Variants in KCNRG observed in about 807,000 individuals in gnomAD.
KCNRG encodes the protein potassium channel regulator.
Under a neutral mutation model 17.7 loss-of-function variants are expected in KCNRG, and 17 were observed. The ratio of observed to expected loss-of-function variants is 0.96; its 90% CI spans 0.66 to 1.44. The LOEUF is 1.44. KCNRG is among the 40% of genes most tolerant of loss of function. The probability of loss-of-function intolerance (pLI) is 0.00; values close to 1 mark genes in which losing one functional copy is unlikely to be tolerated. For synonymous variants in KCNRG, 97 were observed against 116.5 expected, an observed-to-expected ratio of 0.83 and a Z score of 1.08; for missense variants, 311 against 321.1, an observed-to-expected ratio of 0.97 and a Z score of 0.24.
chr13:50,020,295 G>C lies in KCNRG; in HGVS notation c.660G>C (p.Lys220Asn), dbSNP rs142871359. The change falls in exon 2 of 2, where the codon AAG (lysine) becomes AAC (asparagine). Residue 220 changes from lysine (K) to asparagine (N), a missense_variant. Lys to Asn is a moderately conservative substitution (Grantham distance 94, BLOSUM62 0). Coordinates refer to ENST00000312942, the MANE Select transcript of KCNRG (RefSeq NM_173605.2). ...GCTTACTGATTGACACTTTATTAAA[G>C]GAAGGCTTTCATTTGGTCAGCACTA... ...VLGLLIDTLL[K>N]EGFHLVSTRT... is the part of the protein sequence containing the mutation. 2.5e-6 allele frequency: 4 copies of C among 1,614,002 alleles called. No homozygotes were observed. Among genetic ancestry groups the C allele is most frequent in the Non-Finnish European group, 3.4e-6 (4 of 1,179,898 alleles).
rs779637484 is a variant in KCNRG at position 50,015,486 on chromosome 13, A to G, written c.-8A>G. 1.3e-6 allele frequency: 2 copies of G among 1,592,154 alleles called. No homozygotes were observed. Among genetic ancestry groups the G allele is most frequent in the Non-Finnish European group, 1.7e-6 (2 of 1,165,986 alleles). On this transcript the variant is annotated 5_prime_UTR_variant, in exon 1 of 2. The change abolishes the stop of an existing upstream ORF in the 5' untranslated region. Coordinates refer to ENST00000312942, the MANE Select transcript of KCNRG (RefSeq NM_173605.2). The stretch of plus-strand genomic sequence containing the variant: ...TGATGGTAGCCTCTAGTTTGAAGTG[A>G]GGGAAGAATGAGTAGTCAGGAACTG...
At position 50,020,535 on chromosome 13, in the gene KCNRG, TAC is replaced by T. The variant is rs1877102804; in HGVS notation, c.*84_*85del. On this transcript the variant is annotated 3_prime_UTR_variant, in exon 2 of 2. Coordinates refer to ENST00000312942, the MANE Select transcript of KCNRG (RefSeq NM_173605.2). ...TTAGGGCATACATGTTAGCCAAATC[TAC>T]ACTCAGCCTAACTCTTGGCTTCATC... 2 of 1,436,112 alleles carry T rather than the reference TAC, an allele frequency of 1.4e-6. No individual in the cohort carries two copies. The highest frequency in any genetic ancestry group is 1.9e-5 in the Admixed American group (1 of 52,598). 89.0% of individuals were successfully genotyped at this position (1,436,112 alleles called of 1,614,324 possible).
intron 1 of KCNRG, 124 bp from the exon 2 acceptor site, chr13:50,020,090 T>A: frequency 1.1e-6 from 1 of 873,884 alleles, no homozygotes; most frequent in Non-Finnish European, 1.8e-6. Context: ...AAATGAAATT[T>A]CAAAAAAAAA....
At chr13:50,017,206 T>A (rs60828549) in intron 1 of KCNRG, 29,521 of 166,718 alleles carry the variant, frequency 0.18, 2,929 homozygotes, top group African/African-American at 0.26. Context: ...AAAAATGAAA[T>A]TTTTTTTGGT....
chr13:50,016,303 C>A, intron 1 of KCNRG: 1 of 436,128 alleles, frequency 2.3e-6, no homozygotes, highest in Non-Finnish European at 4.2e-6. Context: ...ATGAAGACTG[C>A]CCAGAAAAAA....
rs1445665214 is a variant in KCNRG at position 50,016,080 on chromosome 13, T to C, written c.578+9T>C. 1 of 1,600,938 alleles carries C rather than the reference T, an allele frequency of 6.2e-7. No individual in the cohort carries two copies. The highest frequency in any genetic ancestry group is 8.6e-7 in the Non-Finnish European group (1 of 1,168,654). Reference sequence around the variant, plus strand: ...AACCAAACTGGAGTCAGGTATTTTGTACTTTGCAGTATTTCTCTTGTATAC... The same window carrying C: ...AACCAAACTGGAGTCAGGTATTTTGCACTTTGCAGTATTTCTCTTGTATAC... On this transcript the variant is annotated intron_variant, in intron 1 of 1. Transcript: ENST00000312942.
Position 50,015,961 on chromosome 13 carries a change from T to G in KCNRG, c.468T>G (p.Phe156Leu). 1 of 1,614,138 alleles carries G rather than the reference T, an allele frequency of 6.2e-7. No homozygotes were observed. The highest frequency in any genetic ancestry group is 8.5e-7 in the Non-Finnish European group (1 of 1,179,980). ...QPSAPTWNGNFFPPQMTLLPL... is the reference protein window; with the variant it reads ...QPSAPTWNGNLFPPQMTLLPL... ...CAGCGCCGACCTGGAATGGTAACTT[T>G]TTCCCTCCTCAGATGACCTTACTTC... is the stretch of plus-strand genomic sequence containing the variant. Residue 156 changes from phenylalanine (F) to leucine (L), a missense_variant, in exon 1 of 2, where the codon TTT becomes TTG. Transcript: ENST00000312942.
Position 50,015,729 on chromosome 13 carries a change from A to C in KCNRG, c.236A>C (p.Tyr79Ser), listed in dbSNP as rs757105415. 12 of 1,614,054 alleles carry C rather than the reference A, an allele frequency of 7.4e-6. No individual in the cohort carries two copies. Among genetic ancestry groups the C allele is most frequent in the Non-Finnish European group, 1.0e-5 (12 of 1,179,936 alleles). ...TTATTACCCACTGAATTTTCAGACT[A>C]TCTTAGGCTTCAGAGAGAGGCTCTT... ...QLLLPTEFSD[Y>S]LRLQREALFY... The change falls in exon 1 of 2, where the codon TAT becomes TCT. Residue 79 changes from tyrosine (Y) to serine (S), a missense_variant. Transcript: ENST00000312942.
rs1255722688 is a variant in KCNRG at position 50,015,908 on chromosome 13, A to G, written c.415A>G (p.Arg139Gly). ...CAAAACAATTGAGATGCTAACAGGG[A>G]GGATTACAGTGTTTACAGAACAACC... is the stretch of plus-strand genomic sequence containing the variant. ...CSKTIEMLTG[R>G]ITVFTEQPSA... Residue 139 changes from arginine (R) to glycine (G), a missense_variant, in exon 1 of 2, where the codon AGG (arginine) becomes GGG (glycine). Transcript: ENST00000312942. 1.9e-6 allele frequency: 3 copies of G among 1,613,976 alleles called. No homozygotes were observed. The African/African-American group carries it at 4.0e-5, about 22-fold the overall frequency.
At chr13:50,016,887 G>A (rs190724926) in intron 1 of KCNRG, 1 of 163,036 alleles carries the variant, frequency 6.1e-6, no homozygotes, top group Admixed American at 6.7e-5. Flanking sequence ...TTTGGTAAAG[G>A]TAGGCGTATT....
chr13:50,017,585 C>T lies in KCNRG; in HGVS notation c.578+1514C>T, dbSNP rs570072080. The T allele has an allele frequency of 8.4e-5, 14 of 167,026 alleles. No homozygotes were observed. The East Asian group carries it at 2.5e-3, about 30-fold the overall frequency. The allele number at this position is 167,026 out of a possible 1,614,324, so 10.3% of individuals were successfully genotyped here. On this transcript the variant is annotated intron_variant, in intron 1 of 1. Transcript: ENST00000312942. Reference sequence around the variant, plus strand: ...TTAAAATTAGCATTTTCTTGCATCACCAAATGGTATTCAATTGTTTGAAGC... The same window carrying T: ...TTAAAATTAGCATTTTCTTGCATCATCAAATGGTATTCAATTGTTTGAAGC...
At chr13:50,017,958 G>A (rs1224231964) in intron 1 of KCNRG, 1 of 166,992 alleles carries the variant, frequency 6.0e-6, no homozygotes, top group Non-Finnish European at 1.5e-5. Context: ...CTAGCAGGTT[G>A]CTCAGTTATT....
In KCNRG at chr13:50,015,459, GC is replaced by G; in HGVS notation, c.-34del. ...GTTATAGGTTGATTTCCTAAGTGTG[GC>G]TGATGGTAGCCTCTAGTTTGAAGTG... On this transcript the variant is annotated 5_prime_UTR_variant, in exon 1 of 2. Transcript: ENST00000312942. 6.8e-7 allele frequency: 1 copy of G among 1,466,060 alleles called. No individual in the cohort carries two copies. Among genetic ancestry groups the G allele is most frequent in the Non-Finnish European group, 9.4e-7 (1 of 1,062,974 alleles). 90.8% of individuals were successfully genotyped at this position (1,466,060 alleles called of 1,614,324 possible). A position where few individuals can be genotyped will look rare whatever the true frequency, so the allele number is the denominator to read the frequency against.
intron 1 of KCNRG, among the ~76,000 whole-genome samples, chr13:50,019,189 G>A (rs1411745886): frequency 6.6e-6 from 1 of 151,784 alleles, no homozygotes; most frequent in African/African-American, 2.4e-5. Context: ...CTGTCACCCA[G>A]GCTGGAGTGC....
chr13:50,015,669 G>C lies in KCNRG; in HGVS notation c.176G>C (p.Ser59Thr), dbSNP rs901382700. ...IFVDRDGDLF[S>T]FILDFLRTHQ... ...GTAGACAGAGATGGTGATTTGTTTA[G>C]TTTCATCTTAGATTTTTTGAGAACT... is the stretch of plus-strand genomic sequence containing the variant. Residue 59 changes from serine to threonine, a missense_variant, in exon 1 of 2, where the codon AGT becomes ACT. Transcript: ENST00000312942. The C allele has an allele frequency of 6.2e-7, 1 of 1,613,988 alleles. No individual in the cohort carries two copies. Among genetic ancestry groups the C allele is most frequent in the Non-Finnish European group, 8.5e-7 (1 of 1,179,994 alleles).
Position 50,015,558 on chromosome 13 carries a change from C to T in KCNRG, c.65C>T (p.Thr22Met), listed in dbSNP as rs761085252. The change falls in exon 1 of 2, where the codon ACG becomes ATG. Residue 22 changes from threonine (T) to methionine (M), a missense_variant. Coordinates refer to ENST00000312942, the MANE Select transcript of KCNRG (RefSeq NM_173605.2). ...GGKIFTTRFS[T>M]IKQFPASRLA... ...AAGATATTCACGACAAGGTTTTCTA[C>T]GATAAAGCAGTTTCCTGCTTCTCGT... The T allele has an allele frequency of 8.7e-6, 14 of 1,613,926 alleles. No homozygotes were observed. Among genetic ancestry groups the T allele is most frequent in the African/African-American group, 2.7e-5 (2 of 74,902 alleles).
chr13:50,020,442 G>A lies in KCNRG; in HGVS notation c.807G>A (p.Gln269=). 6.2e-7 allele frequency: 1 copy of A among 1,612,576 alleles called. No individual in the cohort carries two copies. The highest frequency in any genetic ancestry group is 8.5e-7 in the Non-Finnish European group (1 of 1,179,552). ...CTATCATCATACCAGAGCAATCTCA[G>A]ATAAAGAAATGAAGTTGTCTATCCT... The part of the protein sequence containing the change: ...PETIIIPEQS[Q]IKK Residue 269 remains glutamine (Q), a synonymous_variant, in exon 2 of 2, where the codon CAG becomes CAA. Transcript: ENST00000312942.
rs780991807 is a variant in KCNRG at position 50,015,730 on chromosome 13, T to C, written c.237T>C (p.Tyr79=). 13 of 1,614,008 alleles carry C rather than the reference T, an allele frequency of 8.1e-6. No individual in the cohort carries two copies. The highest frequency in any genetic ancestry group is 1.1e-5 in the Non-Finnish European group (13 of 1,179,986). ...TATTACCCACTGAATTTTCAGACTA[T>C]CTTAGGCTTCAGAGAGAGGCTCTTT... ...QLLLPTEFSD[Y]LRLQREALFY... is the part of the protein sequence containing the mutation. Residue 79 remains tyrosine (Y), a synonymous_variant, in exon 1 of 2, where the codon TAT becomes TAC. Transcript: ENST00000312942.
chr13:50,019,332 G>A (rs563896470), intron 1 of KCNRG, among the ~76,000 whole-genome samples: 2 of 152,062 alleles, frequency 1.3e-5, no homozygotes, highest in African/African-American at 2.4e-5. Context: ...CTCTCCAGAG[G>A]CTTTTGACCC....
Sources: gnomAD v4.1 joint callset for allele counts (sites outside exome capture counted in the v4.1 genomes callset) on GRCh38, gnomAD v4.1.1 for gene constraint, MANE v1.5 for transcripts, NCBI Gene and HGNC (gene_info 2026-07-23, HGNC 2026-07-21) for gene names.